Variants in SNURF observed in about 807,000 individuals in gnomAD.
SNURF encodes SNRPN upstream open reading frame, also known as SNURF protein.
In SNURF, 6 loss-of-function variants were observed where a neutral mutation model predicts 11.6. The observed-to-expected ratio is 0.52, with a 90% CI of 0.28 to 1.02. The LOEUF is 1.02. Among genes scored for constraint, SNURF ranks in the 50% least tolerant of loss-of-function variants. The probability of loss-of-function intolerance (pLI) is 0.09; values close to 1 mark genes in which losing one functional copy is unlikely to be tolerated. For missense variants in SNURF, 84 were observed against 88.4 expected, an observed-to-expected ratio of 0.95 and a Z score of 0.20; for synonymous variants, 29 against 31.6, an observed-to-expected ratio of 0.92 and a Z score of 0.27.
chr15:24,974,334 C>A (rs2076818235), intron 3 of SNURF: 1 of 881,870 alleles, frequency 1.1e-6, no homozygotes, highest in Admixed American at 1.7e-5. Context: ...TTTGAAGCTT[C>A]TGCCCAGCTT....
At chr15:24,965,607 C>T (rs1218525883) in intron 2 of SNURF, among the ~76,000 whole-genome samples, 4 of 152,146 alleles carry the variant, frequency 2.6e-5, no homozygotes, top group East Asian at 1.9e-4. Flanking sequence ...GTATTTGTCA[C>T]TAAATTAGCT....
At chr15:24,978,437 G>GA, downstream of SNURF, 1 of 1,613,656 alleles carries the variant, frequency 6.2e-7, no homozygotes, top group Non-Finnish European at 8.5e-7. Flanking sequence ...CGTCCACCAA[G>GA]ACCTTAGCAT....
intron 3 of SNURF, chr15:24,974,982 G>A (rs867001062): frequency 2.8e-6 from 2 of 702,914 alleles, no homozygotes; most frequent in South Asian, 1.5e-5. Context: ...GAAATAAAGA[G>A]GGCTTTGAAA....
downstream of SNURF, among the ~76,000 whole-genome samples, chr15:24,969,249 C>G (rs575940623): frequency 6.6e-6 from 1 of 152,126 alleles, no homozygotes; most frequent in Admixed American, 6.5e-5. Context: ...CTGCCTCAGC[C>G]TCCCAAGTAT....
chr15:24,975,009 AT>A lies in SNURF; in HGVS notation c.*46-347del, dbSNP rs2076905476. 3 of 702,688 alleles carry A rather than the reference AT, an allele frequency of 4.3e-6. No individual in the cohort carries two copies. In the East Asian group the frequency reaches 8.0e-5, roughly 19 times the overall value. The allele number at this position is 702,688 out of a possible 1,614,324, so 43.5% of individuals were successfully genotyped here. The stretch of plus-strand genomic sequence containing the variant: ...GCTTTGAAAATGGAAGGGTTTTGGC[AT>A]TAACAGTACAGAGAAAAGCAGTCTG... On this transcript the variant is annotated intron_variant and NMD_transcript_variant, in intron 3 of 6. Coordinates refer to the SNURF transcript ENST00000580062.
At chr15:24,978,363 A>C, downstream of SNURF, 1 of 1,613,846 alleles carries the variant, frequency 6.2e-7, no homozygotes, top group South Asian at 1.1e-5. Flanking sequence ...AGGCCCCTGA[A>C]TATGTGTATC....
intron 5 of SNURF, chr15:24,976,855 G>T: frequency 6.2e-7 from 1 of 1,602,410 alleles, no homozygotes; most frequent in Non-Finnish European, 8.5e-7. Context: ...TTGATTTTAG[G>T]CTATGAATTT....
exon 4 of SNURF, chr15:24,975,476 T>C: frequency 6.2e-7 from 1 of 1,613,982 alleles, no homozygotes; most frequent in Non-Finnish European, 8.5e-7. Context: ...ATGAATTTGA[T>C]CCTCTGTGAT....
chr15:24,955,036 G>C (rs756341117), exon 1 of SNURF: 1 of 1,613,110 alleles, frequency 6.2e-7, no homozygotes, highest in South Asian at 1.1e-5. Context: ...TCTGAGGAGC[G>C]GTCAGTGACG....
intron 1 of SNURF, among the ~76,000 whole-genome samples, chr15:24,960,688 G>A (rs1372488701): frequency 6.6e-6 from 1 of 152,134 alleles, no homozygotes; most frequent in African/African-American, 2.4e-5. Flanking sequence ...TTGGAGGACT[G>A]TCTATTCAAG....
At chr15:24,977,869 G>A, downstream of SNURF, 1 of 1,609,648 alleles carries the variant, frequency 6.2e-7, no homozygotes. Context: ...TACCCACCAG[G>A]ACGGGGCACT....
At chr15:24,976,793 G>A in intron 5 of SNURF, 1 of 1,237,960 alleles carries the variant, frequency 8.1e-7, no homozygotes, top group Non-Finnish European at 1.2e-6. Flanking sequence ...TGGGAAAATG[G>A]TGGAGAGAAG....
chr15:24,976,363 C>T (rs749922581), exon 5 of SNURF: 1 of 1,613,188 alleles, frequency 6.2e-7, no homozygotes, highest in Non-Finnish European at 8.5e-7. Flanking sequence ...TCTGGTGTTG[C>T]TGCGTGGGGA....
chr15:24,976,430 A>C lies in SNURF; in HGVS notation c.*309+14A>C, dbSNP rs202137342. 44 of 1,533,266 alleles carry C rather than the reference A, an allele frequency of 2.9e-5. No individual in the cohort carries two copies. In the East Asian group the frequency reaches 9.4e-4, roughly 33 times the overall value. 95.0% of individuals were successfully genotyped at this position (1,533,266 alleles called of 1,614,324 possible). ...CCCCCCAAAGATGTAAGGAAGATGT[A>C]GGGCAGGACAGAACTTTAATTTGCA... is the stretch of plus-strand genomic sequence containing the variant. On this transcript the variant is annotated intron_variant and NMD_transcript_variant, in intron 5 of 6. Transcript: ENST00000580062.
At chr15:24,977,962 AGATAGCTTACT>A (rs2077255113), downstream of SNURF, 1 of 1,498,804 alleles carries the variant, frequency 6.7e-7, no homozygotes, top group Non-Finnish European at 9.0e-7. Context: ...CTCTGATGAG[AGATAGCTTACT>A]GATTTAAGAC....
At chr15:24,962,982 T>G (rs1248708740) in intron 2 of SNURF, among the ~76,000 whole-genome samples, 3 of 137,736 alleles carry the variant, frequency 2.2e-5, no homozygotes, top group African/African-American at 9.1e-5. Flanking sequence ...AAAGTAAGTC[T>G]CATTTTAAAG....
chr15:24,975,078 G>A, intron 3 of SNURF: 1 of 673,572 alleles, frequency 1.5e-6, no homozygotes, highest in South Asian at 1.6e-5. Context: ...GGTTTACTTA[G>A]GGGAGTGGAC....
chr15:24,977,813 T>G, exon 7 of SNURF: 1 of 1,612,708 alleles, frequency 6.2e-7, no homozygotes, highest in Admixed American at 1.7e-5. Context: ...CTGTAGCAGC[T>G]GCTGCTGTTG....
At chr15:24,954,997 G>T in exon 1 of SNURF, 6 of 1,610,300 alleles carry the variant, frequency 3.7e-6, no homozygotes, top group Non-Finnish European at 5.1e-6. Flanking sequence ...GCAGAGTGGA[G>T]CGGCCGCCGG....
Sources: gnomAD v4.1 joint callset for allele counts (sites outside exome capture counted in the v4.1 genomes callset) on GRCh38, gnomAD v4.1.1 for gene constraint, MANE v1.5 for transcripts, NCBI Gene and HGNC (gene_info 2026-07-23, HGNC 2026-07-21) for gene names.